The following BCAS3 variants were observed in gnomAD, a reference collection of about 807,000 sequenced individuals.
BCAS3 encodes BCAS3 microtubule associated cell migration factor.
A neutral mutation model predicts 116.1 loss-of-function variants in BCAS3; 53 were observed. The observed-to-expected ratio is 0.46, with a 90% CI of 0.37 to 0.57. The LOEUF is 0.57. Ranked by LOEUF, BCAS3 falls within the 20% of genes least tolerant of loss-of-function variation. The pLI, the probability that BCAS3 is intolerant of heterozygous loss-of-function variation, is 0.00. For missense variants in BCAS3, 917 were observed against 1,165.4 expected (o/e 0.79, Z 3.10); for synonymous variants, 391 against 408.2 (o/e 0.96, Z 0.51).
At chr17:60,829,042 G>A (rs1229202207) in intron 7 of BCAS3, among the ~76,000 whole-genome samples, 1 of 152,104 alleles carries the variant, frequency 6.6e-6, no homozygotes, top group Admixed American at 6.5e-5. Context: ...TCATAATATC[G>A]ATAGGGTCAA....
At position 61,098,535 on chromosome 17, in the gene BCAS3, C is replaced by A. The variant is rs965689446; in HGVS notation, c.2425+13971C>A. Among the ~76,000 whole-genome samples, 6 of 152,070 alleles carry A rather than the reference C, an allele frequency of 3.9e-5. No homozygotes were observed. Among genetic ancestry groups the A allele is most frequent in the Admixed American group, 3.9e-4 (6 of 15,266 alleles). ...GGAGGAATTTTTCTAAACCCAAATA[C>A]CTCAATTTGAAGTGAGGCTTGGCTT... On this transcript the variant is annotated intron_variant, in intron 22 of 23. Coordinates refer to ENST00000407086, the MANE Select transcript of BCAS3 (RefSeq NM_017679.5). This position sits in a 1 kb window ranked among gnomAD's most constrained non-coding sequence, Gnocchi z 4.2.
rs35597487 is a variant in BCAS3, at chr17:61,214,368, AAAAT to A, written c.2425+129830_2425+129833del. ...GGCCACAGAGCAAGACCCTATCTCA[AAAAT>A]AAATAAATAAATAAATAAATAAATA... On this transcript the variant is annotated intron_variant, in intron 22 of 23. Transcript: ENST00000407086. The surrounding 1 kb of genome is among the most constrained non-coding windows in gnomAD (Gnocchi z 4.4). Among the ~76,000 whole-genome samples, 17 of 150,174 alleles carry A rather than the reference AAAAT, an allele frequency of 1.1e-4. No homozygotes were observed. The highest frequency in any genetic ancestry group is 2.0e-4 in the African/African-American group (8 of 40,090).
intron 22 of BCAS3, among the ~76,000 whole-genome samples, chr17:61,271,499 C>T (rs1430068255): frequency 7.3e-6 from 1 of 136,996 alleles, no homozygotes; most frequent in Non-Finnish European, 1.5e-5. Flanking sequence ...TCTTGGCTCA[C>T]TGCAACCTCT....
intron 14 of BCAS3, among the ~76,000 whole-genome samples, chr17:60,968,224 T>A (rs967816794): frequency 1.6e-4 from 24 of 152,134 alleles, no homozygotes; most frequent in Non-Finnish European, 8.8e-5. Flanking sequence ...GCATTTTTTT[T>A]AATCCTTTTA....
rs796930090 is a variant in BCAS3, at chr17:61,188,158, C to T, written c.2425+103594C>T. Among the ~76,000 whole-genome samples the T allele has an allele frequency of 2.6e-5, 4 of 152,082 alleles. No individual in the cohort carries two copies. Among genetic ancestry groups the T allele is most frequent in the African/African-American group, 7.2e-5 (3 of 41,398 alleles). On this transcript the variant is annotated intron_variant, in intron 22 of 23. Coordinates refer to ENST00000407086, the MANE Select transcript of BCAS3 (RefSeq NM_017679.5). This position sits in a 1 kb window ranked among gnomAD's most constrained non-coding sequence, Gnocchi z 4.0. ...TGTAGGATTTCAGGGATGTCTTCAC[C>T]CCTAAAACAATCTCTCCTTGCTATT...
rs1021084611 is a variant in BCAS3, at chr17:60,994,064, G to A, written c.1486+3829G>A. 3.3e-5 allele frequency among the ~76,000 whole-genome samples: 5 copies of A among 152,030 alleles called. No individual in the cohort carries two copies. Among genetic ancestry groups the A allele is most frequent in the Admixed American group, 2.6e-4 (4 of 15,258 alleles). On this transcript the variant is annotated intron_variant, in intron 15 of 23. Coordinates refer to ENST00000407086, the MANE Select transcript of BCAS3 (RefSeq NM_017679.5). The surrounding 1 kb of genome is among the most constrained non-coding windows in gnomAD (Gnocchi z 4.4). ...TTCACTATCCTTTAACCAAAAGTAA[G>A]CATTTCCTTTTTGTTATGAACATGG...
At chr17:61,386,740 A>G in intron 23 of BCAS3, among the ~76,000 whole-genome samples, 1 of 150,678 alleles carries the variant, frequency 6.6e-6, no homozygotes, top group East Asian at 1.9e-4. Flanking sequence ...AGAGACCCAG[A>G]GAACACCAAG....
chr17:60,872,560 C>A (rs957139387), intron 8 of BCAS3, among the ~76,000 whole-genome samples: 2 of 148,324 alleles, frequency 1.3e-5, no homozygotes, highest in African/African-American at 5.0e-5. Flanking sequence ...TATACACACA[C>A]CCCCATATAT....
intron 23 of BCAS3, among the ~76,000 whole-genome samples, chr17:61,386,057 C>T (rs890931317): frequency 6.6e-6 from 1 of 152,198 alleles, no homozygotes; most frequent in Non-Finnish European, 1.5e-5. Flanking sequence ...ATAATAGTAA[C>T]TCACATTTGC....
In BCAS3 at chr17:60,709,235, G is replaced by C; in HGVS notation, c.231G>C (p.Leu77=). 6.4e-7 allele frequency: 1 copy of C among 1,550,464 alleles called. No homozygotes were observed. The highest frequency in any genetic ancestry group is 8.9e-7 in the Non-Finnish European group (1 of 1,127,784). ...CTAATGCAGATACATCAAGAAATCT[G>C]GAATTTCATGAAATACATAGTACTG... The part of the protein sequence containing the change: ...NADLNDTSRN[L]EFHEIHSTGN... The change falls in exon 5 of 24, where the codon CTG becomes CTC. Residue 77 remains leucine, a synonymous_variant. Coordinates refer to ENST00000407086, the MANE Select transcript of BCAS3 (RefSeq NM_017679.5).
intron 5 of BCAS3, among the ~76,000 whole-genome samples, chr17:60,740,887 A>T (rs1230603321): frequency 2.6e-5 from 4 of 152,152 alleles, no homozygotes; most frequent in African/African-American, 9.7e-5. Flanking sequence ...CCACTGCCAG[A>T]GGCTCGAGGG....
At position 61,388,739 on chromosome 17, in the gene BCAS3, C is replaced by T. The variant is rs1603228223; in HGVS notation, c.2594-3238C>T. The stretch of plus-strand genomic sequence containing the variant: ...GCCACACGTTTCCATTTGCCGCTTG[C>T]TCGTAGGGCTGGGCGGCCGGGATGA... On this transcript the variant is annotated intron_variant, in intron 23 of 23. Coordinates refer to ENST00000407086, the MANE Select transcript of BCAS3 (RefSeq NM_017679.5). This position sits in a 1 kb window ranked among gnomAD's most constrained non-coding sequence, Gnocchi z 6.5. 4 of 1,531,090 alleles carry T rather than the reference C, an allele frequency of 2.6e-6. No individual in the cohort carries two copies. The East Asian group carries it at 9.8e-5, about 37-fold the overall frequency. The allele number at this position is 1,531,090 out of a possible 1,614,324, so 94.8% of individuals were successfully genotyped here. A position where few individuals can be genotyped will look rare whatever the true frequency, so the allele number is the denominator to read the frequency against.
intron 14 of BCAS3, among the ~76,000 whole-genome samples, chr17:60,948,674 T>C (rs2060660828): frequency 6.6e-6 from 1 of 152,194 alleles, no homozygotes; most frequent in Non-Finnish European, 1.5e-5. Context: ...TTGAAATGTC[T>C]TAAATTTAGA....
At chr17:61,275,488 GAA>G (rs2050690378) in intron 22 of BCAS3, among the ~76,000 whole-genome samples, 2 of 151,972 alleles carry the variant, frequency 1.3e-5, no homozygotes, top group Non-Finnish European at 2.9e-5. Context: ...GCGGCAGAGA[GAA>G]AGGGCAAATT....
Position 61,128,264 on chromosome 17 carries a change from G to A in BCAS3, c.2425+43700G>A. On this transcript the variant is annotated intron_variant, in intron 22 of 23. Coordinates refer to ENST00000407086, the MANE Select transcript of BCAS3 (RefSeq NM_017679.5). The surrounding 1 kb of genome is among the most constrained non-coding windows in gnomAD (Gnocchi z 4.1). ...ATGAGGACAGCCTAGGCCGTGTTAG[G>A]CTTTGACTTAAATCAGATTTCATCT... 1.0e-6 allele frequency: 1 copy of A among 985,404 alleles called. No individual in the cohort carries two copies. The highest frequency in any genetic ancestry group is 1.2e-6 in the Non-Finnish European group (1 of 829,918). 61.0% of individuals were successfully genotyped at this position (985,404 alleles called of 1,614,324 possible). A position where few individuals can be genotyped will look rare whatever the true frequency, so the allele number is the denominator to read the frequency against.
chr17:61,369,689 A>G (rs552303189), intron 23 of BCAS3, among the ~76,000 whole-genome samples: 1 of 152,184 alleles, frequency 6.6e-6, no homozygotes, highest in Non-Finnish European at 1.5e-5. Flanking sequence ...ATAACTGGCA[A>G]ATGAACAGGA....
intron 22 of BCAS3, among the ~76,000 whole-genome samples, chr17:61,170,696 C>T (rs751464987): frequency 6.6e-6 from 1 of 152,070 alleles, no homozygotes; most frequent in East Asian, 1.9e-4. Context: ...TGTCAGAGCT[C>T]GTCGCTGGTA....
chr17:60,733,991 G>A (rs956593707), intron 5 of BCAS3, among the ~76,000 whole-genome samples: 2 of 152,202 alleles, frequency 1.3e-5, no homozygotes, highest in Non-Finnish European at 1.5e-5. Context: ...CTTTTGGAGT[G>A]TAGAAGTTTT....
chr17:60,999,354 G>A (rs1209718021), intron 15 of BCAS3, among the ~76,000 whole-genome samples: 4 of 151,920 alleles, frequency 2.6e-5, no homozygotes, highest in East Asian at 3.9e-4. Flanking sequence ...CCTGGCCAAC[G>A]TGGTGAAACC....
Sources: allele counts gnomAD v4.1 joint callset (sites outside exome capture counted in the v4.1 genomes callset), GRCh38; gene constraint gnomAD v4.1.1; non-coding constraint Gnocchi (gnomAD v3.1); transcripts MANE v1.5; gene names NCBI Gene and HGNC (gene_info 2026-07-23, HGNC 2026-07-21).